Variants in CHD7 observed in about 807,000 individuals in gnomAD.
The protein encoded by CHD7 is ATP-dependent chromatin remodeler CHD7.
A neutral mutation model predicts 307.3 loss-of-function variants in CHD7; 24 were observed. The observed-to-expected ratio is 0.08, with a 90% CI of 0.06 to 0.11. The LOEUF (loss-of-function observed/expected upper bound fraction) is 0.11. Among genes scored for constraint, CHD7 ranks in the 10% least tolerant of loss-of-function variants. The pLI is 1.00. For missense variants in CHD7, 3,106 were observed against 3,727.1 expected (o/e 0.83, Z 4.34); for synonymous variants, 1,363 against 1,349.9 (o/e 1.01, Z -0.21).
At chr8:60,844,267 C>T (rs562284260) in intron 21 of CHD7, among the ~76,000 whole-genome samples, 1 of 152,336 alleles carries the variant, frequency 6.6e-6, no homozygotes, top group Admixed American at 6.5e-5. Flanking sequence ...TTCTCCCACT[C>T]ATTTCTCATG....
rs982675654 is a variant in CHD7 at position 60,837,912 on chromosome 8, G to A, written c.4353+77G>A. The A allele has an allele frequency of 8.0e-5, 111 of 1,395,808 alleles. 2 individuals carry two copies. In the Admixed American group the frequency reaches 2.7e-3, roughly 34 times the overall value. The allele number at this position is 1,395,808 out of a possible 1,614,324, so 86.5% of individuals were successfully genotyped here. A position where few individuals can be genotyped will look rare whatever the true frequency, so the allele number is the denominator to read the frequency against. ...TTAACTAATAGTAAGAAATTACTCA[G>A]CCTTTGATTATTTTTCGACCTCAAT... On this transcript the variant is annotated intron_variant, in intron 18 of 37. Transcript: ENST00000423902.
At chr8:60,816,554 A>G in intron 8 of CHD7, 53 bp downstream of exon 8, 1 of 1,080,800 alleles carries the variant, frequency 9.3e-7, no homozygotes, top group East Asian at 2.6e-5. Flanking sequence ...AAAATGTTCT[A>G]AATTTAAAAT....
chr8:60,851,916 C>T (rs900420290), intron 28 of CHD7, 103 bp from the exon 29 acceptor site: 6 of 738,518 alleles, frequency 8.1e-6, no homozygotes, highest in Non-Finnish European at 1.3e-5. Context: ...TGCCCTTTCC[C>T]ACACTGTCAT....
At chr8:60,762,658 A>G (rs62526484) in intron 2 of CHD7, among the ~76,000 whole-genome samples, 5,109 of 152,258 alleles carry the variant, frequency 0.034, 185 homozygotes, top group African/African-American at 0.087. Flanking sequence ...CCACATTATT[A>G]CTATTTTTGC....
intron 13 of CHD7, among the ~76,000 whole-genome samples, chr8:60,827,102 G>A (rs1804284418): frequency 6.6e-6 from 1 of 152,168 alleles, no homozygotes; most frequent in African/African-American, 2.4e-5. Flanking sequence ...ATCATTTGGT[G>A]TAACTAATTG....
At chr8:60,835,519 A>G (rs948950758) in intron 15 of CHD7, among the ~76,000 whole-genome samples, 8 of 152,226 alleles carry the variant, frequency 5.3e-5, no homozygotes, top group Non-Finnish European at 8.8e-5. Context: ...GTCCCCCACA[A>G]ATATTCCAGG....
rs114092981 is a variant in CHD7, at chr8:60,779,609, G to A, written c.1666-1391G>A. 5.1e-3 allele frequency among the ~76,000 whole-genome samples: 770 copies of A among 152,290 alleles called. 5 individuals carry two copies. Among genetic ancestry groups the A allele is most frequent in the African/African-American group, 0.017 (727 of 41,546 alleles). On this transcript the variant is annotated intron_variant, in intron 2 of 37. Coordinates refer to ENST00000423902, the MANE Select transcript of CHD7 (RefSeq NM_017780.4). Reference sequence around the variant, plus strand: ...AATAGCCGCTCAGTCAATATTAGGTGTATTGGAATCGAATTTACAGTACCT... The same window carrying A: ...AATAGCCGCTCAGTCAATATTAGGTATATTGGAATCGAATTTACAGTACCT...
chr8:60,821,762 A>C, intron 9 of CHD7, 28 bp from the exon 10 acceptor site: 1 of 1,547,634 alleles, frequency 6.5e-7, no homozygotes, highest in Non-Finnish European at 8.7e-7. Context: ...AAATGAATCC[A>C]ATTCTGATTT....
chr8:60,838,468 T>C (rs1804835526), intron 19 of CHD7, among the ~76,000 whole-genome samples: 1 of 152,226 alleles, frequency 6.6e-6, no homozygotes, highest in Non-Finnish European at 1.5e-5. Context: ...TTGTCATCCT[T>C]GTATCTGCTT....
chr8:60,836,487 A>G (rs1804745949), intron 16 of CHD7, among the ~76,000 whole-genome samples: 1 of 152,200 alleles, frequency 6.6e-6, no homozygotes, highest in East Asian at 1.9e-4. Context: ...TTTTTAGGCA[A>G]TTTTATTTCC....
chr8:60,818,607 A>G lies in CHD7; in HGVS notation c.2614-1400A>G, dbSNP rs140213964. 3.2e-3 allele frequency among the ~76,000 whole-genome samples: 481 copies of G among 152,126 alleles called. 1 individual carries two copies. Among genetic ancestry groups the G allele is most frequent in the Middle Eastern group, 6.8e-3 (2 of 294 alleles). Reference sequence around the variant, plus strand: ...GGATTTTTTTTTGCCTTACTAATCTACCTCTGTGTAAAAGCCTGAGATACT... The same window carrying G: ...GGATTTTTTTTTGCCTTACTAATCTGCCTCTGTGTAAAAGCCTGAGATACT... On this transcript the variant is annotated intron_variant, in intron 8 of 37. Coordinates refer to ENST00000423902, the MANE Select transcript of CHD7 (RefSeq NM_017780.4).
At chr8:60,784,037 G>C (rs983850379) in intron 3 of CHD7, among the ~76,000 whole-genome samples, 1 of 152,152 alleles carries the variant, frequency 6.6e-6, no homozygotes. Context: ...TTGTGGTCTC[G>C]TTGTTCTACT....
At chr8:60,736,650 T>G (rs889890688) in intron 1 of CHD7, among the ~76,000 whole-genome samples, 2 of 152,192 alleles carry the variant, frequency 1.3e-5, no homozygotes, top group Non-Finnish European at 2.9e-5. Flanking sequence ...AATCAAACCA[T>G]AAGCAGCAAA....
In CHD7 at chr8:60,852,937, A is replaced by G; in HGVS notation, c.6212A>G (p.His2071Arg). 1 of 1,613,456 alleles carries G rather than the reference A, an allele frequency of 6.2e-7. No homozygotes were observed. The highest frequency in any genetic ancestry group is 1.1e-5 in the South Asian group (1 of 91,044). ...LRKIREQVLHHPQLGERLKLC... is the reference protein window; with the variant it reads ...LRKIREQVLHRPQLGERLKLC... The stretch of plus-strand genomic sequence containing the variant: ...AAGATCCGCGAGCAGGTTCTCCATC[A>G]CCCCCAGCTGGGAGAGAGGCTTAAG... The change falls in exon 31 of 38, where the codon CAC becomes CGC. Residue 2071 changes from histidine to arginine, a missense_variant. Physicochemically the swap from His to Arg is conservative, Grantham distance 29. This residue lies in a region of CHD7 where 1,030 missense variants were observed against 1,165.4 expected (regional missense o/e 0.88). Coordinates refer to ENST00000423902, the MANE Select transcript of CHD7 (RefSeq NM_017780.4).
intron 6 of CHD7, among the ~76,000 whole-genome samples, chr8:60,807,225 T>C (rs1812576451): frequency 6.6e-6 from 1 of 152,206 alleles, no homozygotes; most frequent in East Asian, 1.9e-4. Context: ...TTGCCTTGAT[T>C]TTCTTCGAAG....
chr8:60,783,562 A>G (rs2150674888), intron 3 of CHD7, among the ~76,000 whole-genome samples: 1 of 152,270 alleles, frequency 6.6e-6, no homozygotes, highest in African/African-American at 2.4e-5. Flanking sequence ...TAGGAAGAAA[A>G]GGGTGTATTT....
chr8:60,679,992 C>A (rs1356557984), intron 1 of CHD7, among the ~76,000 whole-genome samples: 1 of 151,608 alleles, frequency 6.6e-6, no homozygotes, highest in Admixed American at 6.6e-5. Flanking sequence ...CCGGGGCGAG[C>A]GCCGGGAGGC....
chr8:60,803,667 T>TTA (rs1395748876), intron 6 of CHD7, among the ~76,000 whole-genome samples: 1 of 152,206 alleles, frequency 6.6e-6, no homozygotes, highest in Admixed American at 6.5e-5. Context: ...TGCTTGTCAG[T>TTA]TACTGGTATT....
intron 1 of CHD7, among the ~76,000 whole-genome samples, chr8:60,720,431 A>G (rs1291212295): frequency 2.0e-5 from 3 of 152,050 alleles, no homozygotes; most frequent in Non-Finnish European, 2.9e-5. Context: ...TTTTTTGTGC[A>G]CTCACCAACT....
Sources: gnomAD v4.1 joint callset for allele counts (sites outside exome capture counted in the v4.1 genomes callset) on GRCh38, gnomAD v4.1.1 for gene constraint, gnomAD v4.1.1 regional missense constraint, MANE v1.5 for transcripts, NCBI Gene and HGNC (gene_info 2026-07-23, HGNC 2026-07-21) for gene names.